Variants in CNTNAP2 observed in about 807,000 individuals in gnomAD.
The protein encoded by CNTNAP2 is contactin associated protein 2, also known as contactin-associated protein-like 2.
In CNTNAP2, 98 loss-of-function variants were observed where a neutral mutation model predicts 155.2. The ratio of observed to expected loss-of-function variants is 0.63; its 90% CI spans 0.54 to 0.75. The LOEUF (loss-of-function observed/expected upper bound fraction) is 0.75, where lower values mean the gene tolerates loss of function less well. Ranked by LOEUF, CNTNAP2 falls within the 30% of genes least tolerant of loss-of-function variation. The pLI is 0.00. For synonymous variants in CNTNAP2, 651 were observed against 631.2 expected, an observed-to-expected ratio of 1.03 and a Z score of -0.47; for missense variants, 1,727 against 1,688.1, an observed-to-expected ratio of 1.02 and a Z score of -0.40.
chr7:146,334,170 G>A (rs1330004535), intron 1 of CNTNAP2, among the ~76,000 whole-genome samples: 2 of 152,154 alleles, frequency 1.3e-5, no homozygotes, highest in Admixed American at 6.5e-5. Flanking sequence ...GGTGGCTCAC[G>A]CCTGTAATCC....
At chr7:147,339,280 G>C (rs1323681947) in intron 9 of CNTNAP2, among the ~76,000 whole-genome samples, 1 of 152,132 alleles carries the variant, frequency 6.6e-6, no homozygotes, top group Non-Finnish European at 1.5e-5. Flanking sequence ...ATCCATGGGG[G>C]CAGTTTTCTC....
At chr7:148,134,169 A>C (rs1238298247) in intron 16 of CNTNAP2, among the ~76,000 whole-genome samples, 1 of 152,170 alleles carries the variant, frequency 6.6e-6, no homozygotes, top group Non-Finnish European at 1.5e-5. Context: ...AAATGATCAA[A>C]TTTGGTTTTC....
chr7:147,592,253 C>A (rs1360813553), intron 12 of CNTNAP2, among the ~76,000 whole-genome samples: 1 of 152,038 alleles, frequency 6.6e-6, no homozygotes, highest in Admixed American at 6.6e-5. Flanking sequence ...ATAGAAGAAA[C>A]ATTTTTGTAT....
intron 1 of CNTNAP2, among the ~76,000 whole-genome samples, chr7:146,682,730 C>A (rs1800526421): frequency 6.6e-6 from 1 of 152,154 alleles, no homozygotes; most frequent in Admixed American, 6.5e-5. Context: ...TTTTGGTCAA[C>A]AGACATTTCA....
intron 11 of CNTNAP2, among the ~76,000 whole-genome samples, chr7:147,513,707 C>T (rs1029386920): frequency 1.3e-5 from 2 of 152,232 alleles, no homozygotes; most frequent in African/African-American, 2.4e-5. Flanking sequence ...TCTGTGCCTG[C>T]CTTCCTCACT....
chr7:147,837,695 C>T (rs1009193312), intron 13 of CNTNAP2, among the ~76,000 whole-genome samples: 1 of 152,154 alleles, frequency 6.6e-6, no homozygotes, highest in Admixed American at 6.5e-5. Flanking sequence ...ATACATCATT[C>T]CAAATCGGAG....
intron 3 of CNTNAP2, among the ~76,000 whole-genome samples, chr7:146,867,922 C>A (rs531733947): frequency 6.9e-6 from 1 of 145,788 alleles, no homozygotes; most frequent in South Asian, 2.5e-4. Flanking sequence ...GGGTATTAGA[C>A]CTTCATCAGA....
At chr7:148,242,007 G>A (rs1328759118) in intron 20 of CNTNAP2, among the ~76,000 whole-genome samples, 2 of 152,166 alleles carry the variant, frequency 1.3e-5, no homozygotes, top group Non-Finnish European at 2.9e-5. Context: ...CCAGAATACG[G>A]CTAAAGCTTG....
chr7:147,038,959 C>T (rs141071851), intron 3 of CNTNAP2, among the ~76,000 whole-genome samples: 44 of 152,214 alleles, frequency 2.9e-4, no homozygotes, highest in African/African-American at 1.0e-3. Flanking sequence ...TCCTTGACCT[C>T]TCCATCTTCT....
rs531779518 is a variant in CNTNAP2, at chr7:147,431,705, C to T, written c.1670+35925C>T. ...TTTTTTCTCTGGGATATGTTTGGCA[C>T]TGTAAATCAGTTTATCTTTCTTGAA... On this transcript the variant is annotated intron_variant, in intron 10 of 23. Transcript: ENST00000361727. Among the ~76,000 whole-genome samples the T allele has an allele frequency of 4.6e-5, 7 of 152,270 alleles. No homozygotes were observed. The South Asian group carries it at 1.0e-3, about 23-fold the overall frequency.
intron 21 of CNTNAP2, among the ~76,000 whole-genome samples, chr7:148,342,149 T>C (rs1306173122): frequency 6.6e-6 from 1 of 152,264 alleles, no homozygotes; most frequent in Non-Finnish European, 1.5e-5. Flanking sequence ...TACTCTCTGC[T>C]GCGGTGGTTT....
chr7:147,462,748 T>C (rs1798046130), intron 10 of CNTNAP2, among the ~76,000 whole-genome samples: 1 of 152,186 alleles, frequency 6.6e-6, no homozygotes. Flanking sequence ...ATAGTGACAA[T>C]ATTGTGTAAT....
chr7:146,249,792 C>T (rs1294887982), intron 1 of CNTNAP2, among the ~76,000 whole-genome samples: 1 of 151,892 alleles, frequency 6.6e-6, no homozygotes, highest in African/African-American at 2.4e-5. Context: ...GAAAACATAG[C>T]ATTTTATTTC....
At chr7:146,745,545 T>G (rs1801794844) in intron 1 of CNTNAP2, among the ~76,000 whole-genome samples, 1 of 151,996 alleles carries the variant, frequency 6.6e-6, no homozygotes, top group Non-Finnish European at 1.5e-5. Flanking sequence ...AAGGTGGGTG[T>G]ATCAGGAGGC....
At chr7:146,330,729 C>T (rs904505279) in intron 1 of CNTNAP2, among the ~76,000 whole-genome samples, 2 of 152,006 alleles carry the variant, frequency 1.3e-5, no homozygotes, top group Non-Finnish European at 2.9e-5. Context: ...AAGCAAGTGG[C>T]GATTTTATGG....
At position 146,541,751 on chromosome 7, in the gene CNTNAP2, C is replaced by T. The variant is rs558526694; in HGVS notation, c.98-232520C>T. Reference sequence around the variant, plus strand: ...ACAAGCTGAGGCTTCCTTCTCATCACTGAAGAAGACAAGGAGACAAGAAGC... The same window carrying T: ...ACAAGCTGAGGCTTCCTTCTCATCATTGAAGAAGACAAGGAGACAAGAAGC... On this transcript the variant is annotated intron_variant, in intron 1 of 23. Transcript: ENST00000361727. Among the ~76,000 whole-genome samples, 5 of 152,078 alleles carry T rather than the reference C, an allele frequency of 3.3e-5. No individual in the cohort carries two copies. In the South Asian group the frequency reaches 1.0e-3, roughly 32 times the overall value.
chr7:146,721,062 C>CTATATTA (rs1563203104), intron 1 of CNTNAP2, among the ~76,000 whole-genome samples: 1 of 81,004 alleles, frequency 1.2e-5, no homozygotes, highest in Admixed American at 1.1e-4. Flanking sequence ...ACTCTATATT[C>CTATATTA]TATATATATA....
chr7:146,926,593 C>G (rs1232526947), intron 3 of CNTNAP2, among the ~76,000 whole-genome samples: 1 of 152,076 alleles, frequency 6.6e-6, no homozygotes, highest in Non-Finnish European at 1.5e-5. Flanking sequence ...AGTACTCAGT[C>G]TATTACCCAG....
intron 13 of CNTNAP2, among the ~76,000 whole-genome samples, chr7:147,815,208 A>T (rs1348905119): frequency 6.6e-6 from 1 of 152,198 alleles, no homozygotes; most frequent in Non-Finnish European, 1.5e-5. Flanking sequence ...AAGCTTAGTG[A>T]CTTAACCCAA....
Sources: gnomAD v4.1 joint callset for allele counts (sites outside exome capture counted in the v4.1 genomes callset) on GRCh38, gnomAD v4.1.1 for gene constraint, MANE v1.5 for transcripts, NCBI Gene and HGNC (gene_info 2026-07-23, HGNC 2026-07-21) for gene names.